The following POC1B variants were observed in gnomAD, a reference collection of about 807,000 sequenced individuals.
POC1B encodes POC1 centriolar protein homolog B.
A neutral mutation model predicts 60.6 loss-of-function variants in POC1B; 44 were observed. The ratio of observed to expected loss-of-function variants is 0.73; its 90% CI spans 0.57 to 0.93. The LOEUF (loss-of-function observed/expected upper bound fraction) is 0.93, where lower values mean the gene tolerates loss of function less well. Ranked by LOEUF, POC1B falls within the 40% of genes least tolerant of loss-of-function variation. The pLI, the probability that POC1B is intolerant of heterozygous loss-of-function variation, is 0.00. For synonymous variants in POC1B, 180 were observed against 198.9 expected, an observed-to-expected ratio of 0.90 and a Z score of 0.80; for missense variants, 555 against 572.3, an observed-to-expected ratio of 0.97 and a Z score of 0.31.
chr12:89,467,031 A>G (rs1363788078), intron 8 of POC1B, 109 bp from the exon 9 acceptor site: 25 of 776,836 alleles, frequency 3.2e-5, no homozygotes, highest in Non-Finnish European at 4.0e-5. Context: ...TAGGAAGGGT[A>G]GATATATATT....
chr12:89,429,827 G>T (rs750368229), intron 10 of POC1B, among the ~76,000 whole-genome samples: 4 of 152,166 alleles, frequency 2.6e-5, no homozygotes, highest in Non-Finnish European at 5.9e-5. Flanking sequence ...ATAAAAAGAA[G>T]AAATTATATC....
intron 2 of POC1B, among the ~76,000 whole-genome samples, chr12:89,514,478 G>A (rs1415336414): frequency 7.9e-6 from 1 of 126,198 alleles, no homozygotes; most frequent in African/African-American, 3.0e-5. Flanking sequence ...GCATGATCTC[G>A]GCTCATTGCA....
At chr12:89,488,537 G>A (rs564980758) in intron 4 of POC1B, among the ~76,000 whole-genome samples, 1 of 152,198 alleles carries the variant, frequency 6.6e-6, no homozygotes, top group South Asian at 2.1e-4. Context: ...GCCCAGGCTG[G>A]AGTGAAGTGG....
the POC1B span, among the ~76,000 whole-genome samples, chr12:89,402,338 TACACACACACACAC>T: frequency 4.7e-5 from 7 of 149,040 alleles, no homozygotes; most frequent in African/African-American, 1.2e-4. Context: ...TTATCACAAA[TACACACACACACAC>T]ACACACACAC....
chr12:89,478,220 A>G (rs572699105), intron 4 of POC1B, among the ~76,000 whole-genome samples: 14 of 152,188 alleles, frequency 9.2e-5, no homozygotes, highest in African/African-American at 3.4e-4. Context: ...AGCGATTCTC[A>G]TGCCTCAGCT....
downstream of POC1B, among the ~76,000 whole-genome samples, chr12:89,418,118 G>A (rs530778704): frequency 1.3e-5 from 2 of 152,290 alleles, no homozygotes; most frequent in Admixed American, 6.5e-5. Flanking sequence ...GGGTCAGGGA[G>A]TGAATGGAGG....
intron 8 of POC1B, 94 bp from the exon 9 acceptor site, chr12:89,467,016 C>T (rs1225488993): frequency 3.0e-6 from 3 of 1,001,796 alleles, no homozygotes; most frequent in African/African-American, 1.6e-5. Flanking sequence ...AATTGTCTCC[C>T]AAAGTAGGAA....
At position 89,467,691 on chromosome 12, in the gene POC1B, A is replaced by G. The variant is rs757860128; in HGVS notation, c.811-6T>C. On this transcript the variant is annotated splice_region_variant and splice_polypyrimidine_tract_variant and intron_variant, in intron 7 of 11. Coordinates refer to ENST00000313546, the MANE Select transcript of POC1B (RefSeq NM_172240.3). ...GAAACAGTAAAGACAGGTCCCTGAG[A>G]AATAAAGGGAAATAAAGAAAAAAAG... 3 of 1,595,202 alleles carry G rather than the reference A, an allele frequency of 1.9e-6. No homozygotes were observed. Among genetic ancestry groups the G allele is most frequent in the Non-Finnish European group, 2.6e-6 (3 of 1,165,418 alleles).
intron 1 of POC1B, chr12:89,525,656 C>T: frequency 7.9e-7 from 1 of 1,271,548 alleles, no homozygotes; most frequent in Non-Finnish European, 1.0e-6. Context: ...GTCCGGAGCT[C>T]CGGAACTCGG....
chr12:89,483,840 GAT>G (rs1459967757), intron 4 of POC1B, among the ~76,000 whole-genome samples: 2 of 116,772 alleles, frequency 1.7e-5, no homozygotes, highest in African/African-American at 6.4e-5. Context: ...GAAAAGAAAT[GAT>G]ATCAGATGGA....
chr12:89,428,412 A>C (rs1298264578), intron 10 of POC1B: 1 of 152,142 alleles, frequency 6.6e-6, no homozygotes. Context: ...AACTGACCAG[A>C]ATTTGTATTT....
intron 10 of POC1B, among the ~76,000 whole-genome samples, chr12:89,440,548 A>G (rs1299198051): frequency 1.5e-4 from 23 of 152,248 alleles, no homozygotes; most frequent in Admixed American, 1.5e-3. Context: ...AACAGCTTAA[A>G]TTCTCTTAAA....
At chr12:89,435,692 A>C (rs1881228161) in intron 10 of POC1B, among the ~76,000 whole-genome samples, 1 of 152,206 alleles carries the variant, frequency 6.6e-6, no homozygotes, top group Non-Finnish European at 1.5e-5. Flanking sequence ...GGCTATGTTT[A>C]CATAGAAAGA....
chr12:89,501,325 G>GA, intron 2 of POC1B: 3 of 1,005,554 alleles, frequency 3.0e-6, no homozygotes, highest in Non-Finnish European at 4.7e-6. Flanking sequence ...CAAGAATGCA[G>GA]AAAAATCATC....
At chr12:89,505,993 G>A (rs1869877310) in intron 2 of POC1B, among the ~76,000 whole-genome samples, 1 of 152,204 alleles carries the variant, frequency 6.6e-6, no homozygotes, top group Non-Finnish European at 1.5e-5. Flanking sequence ...GGGCACTGAA[G>A]TGAGTTTTAG....
chr12:89,502,529 A>C (rs879077453), intron 2 of POC1B: 1 of 1,105,074 alleles, frequency 9.0e-7, no homozygotes, highest in East Asian at 2.5e-5. Flanking sequence ...CGATGAAAGA[A>C]AGACTAGCTT....
At chr12:89,453,321 G>T (rs1332203563) in intron 10 of POC1B, among the ~76,000 whole-genome samples, 2 of 152,080 alleles carry the variant, frequency 1.3e-5, no homozygotes, top group Non-Finnish European at 2.9e-5. Flanking sequence ...ACTATCATTT[G>T]CAGTTAAGAT....
At chr12:89,408,717 G>C in the POC1B span, among the ~76,000 whole-genome samples, 1 of 152,122 alleles carries the variant, frequency 6.6e-6, no homozygotes, top group Non-Finnish European at 1.5e-5. Context: ...TCGATCTCCT[G>C]ACCTCGTAAT....
intron 2 of POC1B, chr12:89,522,050 C>T: frequency 5.0e-6 from 2 of 398,980 alleles, no homozygotes; most frequent in Non-Finnish European, 8.8e-6. Context: ...TCAGAAAATG[C>T]CCTACACACA....
Sources: allele counts gnomAD v4.1 joint callset (sites outside exome capture counted in the v4.1 genomes callset), GRCh38; gene constraint gnomAD v4.1.1; transcripts MANE v1.5; gene names NCBI Gene and HGNC (gene_info 2026-07-23, HGNC 2026-07-21).